Variants in STAU1 observed in about 807,000 individuals in gnomAD.
STAU1 encodes the protein double-stranded RNA-binding protein Staufen homolog 1.
Under a neutral mutation model 62.9 loss-of-function variants are expected in STAU1, and 13 were observed. The observed-to-expected ratio is 0.21, with a 90% CI of 0.13 to 0.33. The LOEUF is 0.33. Among genes scored for constraint, STAU1 ranks in the 10% least tolerant of loss-of-function variants. The pLI, the probability that STAU1 is intolerant of heterozygous loss-of-function variation, is 1.00. For missense variants in STAU1, 571 were observed against 712.1 expected (o/e 0.80, Z 2.25); for synonymous variants, 269 against 265.1 (o/e 1.01, Z -0.14).
chr20:49,174,531 C>A (rs1176568395), intron 1 of STAU1, among the ~76,000 whole-genome samples: 2 of 150,904 alleles, frequency 1.3e-5, no homozygotes, highest in Admixed American at 6.6e-5. Context: ...ACCAGCCTGG[C>A]CAACATGATG....
chr20:49,170,938 T>C (rs2093589279), intron 2 of STAU1, among the ~76,000 whole-genome samples: 1 of 152,246 alleles, frequency 6.6e-6, no homozygotes, highest in Non-Finnish European at 1.5e-5. Context: ...GGAGCACTCC[T>C]GTGCCTCGCT....
intron 6 of STAU1, among the ~76,000 whole-genome samples, chr20:49,126,588 C>CAAAAAAAAAACACAAAAAAAAAACAA (rs2092626897): frequency 3.5e-5 from 2 of 56,346 alleles, no homozygotes; most frequent in Non-Finnish European, 7.4e-5. Context: ...AAAAAAAAAA[C>CAAAAAAAAAACACAAAAAAAAAACAA]AAAAAAAAAA....
At chr20:49,153,402 T>TTA (rs568232099) in intron 4 of STAU1, among the ~76,000 whole-genome samples, 7 of 129,846 alleles carry the variant, frequency 5.4e-5, no homozygotes, top group Non-Finnish European at 1.1e-4. Context: ...CTCAATGAAT[T>TTA]AAAAAAAAAA....
intron 2 of STAU1, 72 bp from the exon 3 acceptor site, chr20:49,166,357 A>G (rs1467574704): frequency 7.8e-6 from 5 of 643,140 alleles, no homozygotes; most frequent in Non-Finnish European, 1.3e-5. Flanking sequence ...ATATTCAGTC[A>G]AAATGGTGTC....
chr20:49,187,905 G>A (rs2093810912), intron 1 of STAU1, among the ~76,000 whole-genome samples: 1 of 151,852 alleles, frequency 6.6e-6, no homozygotes, highest in South Asian at 2.1e-4. Context: ...GGATGGGGGC[G>A]CCCGGGGCCA....
At chr20:49,198,002 G>C in the STAU1 span, among the ~76,000 whole-genome samples, 1 of 152,200 alleles carries the variant, frequency 6.6e-6, no homozygotes, top group Non-Finnish European at 1.5e-5. Flanking sequence ...GAGCCACACT[G>C]CCCAGCCATA....
At chr20:49,212,407 G>C in the STAU1 span, among the ~76,000 whole-genome samples, 1 of 152,152 alleles carries the variant, frequency 6.6e-6, no homozygotes, top group Non-Finnish European at 1.5e-5. Context: ...GGTATACAAT[G>C]TCATGATTGA....
chr20:49,154,920 A>C (rs1460213614), intron 3 of STAU1, among the ~76,000 whole-genome samples: 1 of 147,556 alleles, frequency 6.8e-6, no homozygotes, highest in Non-Finnish European at 1.5e-5. Context: ...CCCCGTTTCT[A>C]CTAAAAATAC....
rs551037025 is a variant in STAU1, at chr20:49,188,269, G to C, written c.-313C>G. On this transcript the variant is annotated 5_prime_UTR_variant, in exon 1 of 14. Transcript: ENST00000371856. Reference sequence around the variant, plus strand: ...GGAGGCGGGCGCCGCCGGGCCGGGGGGGGGAGGCGGTCAAAGGAAGCGGGA... The same window carrying C: ...GGAGGCGGGCGCCGCCGGGCCGGGGCGGGGAGGCGGTCAAAGGAAGCGGGA... The C allele has an allele frequency of 1.4e-4, 22 of 152,292 alleles. 1 individual carries two copies. The highest frequency in any genetic ancestry group is 2.1e-4 in the South Asian group (1 of 4,850). 9.4% of individuals were successfully genotyped at this position (152,292 alleles called of 1,614,324 possible).
upstream of STAU1, among the ~76,000 whole-genome samples, chr20:49,193,124 C>A (rs1390643445): frequency 6.6e-6 from 1 of 152,130 alleles, no homozygotes; most frequent in Non-Finnish European, 1.5e-5. Flanking sequence ...CGCCTGTAAT[C>A]CCAGCACTTT....
At chr20:49,129,279 A>ATTT (rs1337866356) in intron 6 of STAU1, among the ~76,000 whole-genome samples, 3,341 of 100,946 alleles carry the variant, frequency 0.033, 182 homozygotes, top group African/African-American at 0.12. Context: ...TTTAAAAAAA[A>ATTT]ATTTTTTTTT....
the STAU1 span, among the ~76,000 whole-genome samples, chr20:49,212,423 T>C: frequency 6.6e-6 from 1 of 152,172 alleles, no homozygotes; most frequent in African/African-American, 2.4e-5. Flanking sequence ...ATTGAATATA[T>C]GTATTCATTG....
chr20:49,177,868 T>C (rs1568936088), intron 1 of STAU1, among the ~76,000 whole-genome samples: 1 of 152,094 alleles, frequency 6.6e-6, no homozygotes, highest in Non-Finnish European at 1.5e-5. Flanking sequence ...TACACAGTGA[T>C]AGCTGAGATT....
At chr20:49,185,885 G>GT (rs890238720) in intron 1 of STAU1, among the ~76,000 whole-genome samples, 12 of 151,458 alleles carry the variant, frequency 7.9e-5, no homozygotes, top group Non-Finnish European at 1.8e-4. Context: ...TTTTTGTTTT[G>GT]TTTTTTTGGA....
intron 5 of STAU1, among the ~76,000 whole-genome samples, chr20:49,147,139 T>G (rs77877664): frequency 3.9e-5 from 6 of 152,362 alleles, no homozygotes; most frequent in African/African-American, 1.4e-4. Flanking sequence ...CTGAAAAGAC[T>G]GCTCTGAACT....
chr20:49,169,467 C>T (rs1044169870), intron 2 of STAU1, among the ~76,000 whole-genome samples: 6 of 152,174 alleles, frequency 3.9e-5, no homozygotes, highest in African/African-American at 1.4e-4. Flanking sequence ...AAACCTGTTG[C>T]TCAACAGTAC....
At chr20:49,124,191 C>T (rs1041974369) in intron 7 of STAU1, among the ~76,000 whole-genome samples, 184 bp downstream of exon 7, 1 of 152,222 alleles carries the variant, frequency 6.6e-6, no homozygotes, top group African/African-American at 2.4e-5. Flanking sequence ...CTCTACTGAA[C>T]TGACACAATG....
chr20:49,115,636 G>A (rs1047667722), intron 13 of STAU1, 146 bp downstream of exon 13: 1 of 720,510 alleles, frequency 1.4e-6, no homozygotes, highest in Non-Finnish European at 2.4e-6. Context: ...TTTCTGCCCA[G>A]AGAATCTGGA....
the STAU1 span, among the ~76,000 whole-genome samples, chr20:49,198,236 C>T: frequency 1.3e-5 from 2 of 152,094 alleles, no homozygotes; most frequent in African/African-American, 2.4e-5. Context: ...TAAAAATAGG[C>T]CGGGCGCGGT....
Sources: gnomAD v4.1 joint callset for allele counts (sites outside exome capture counted in the v4.1 genomes callset) on GRCh38, gnomAD v4.1.1 for gene constraint, MANE v1.5 for transcripts, NCBI Gene and HGNC (gene_info 2026-07-23, HGNC 2026-07-21) for gene names.